Variants in SLC71A2 observed in about 807,000 individuals in gnomAD.
The protein encoded by SLC71A2 is solute carrier family 71 member 2.
the SLC71A2 span, among the ~76,000 whole-genome samples, chr9:94,453,536 A>G: frequency 3.9e-5 from 6 of 152,288 alleles, no homozygotes; most frequent in South Asian, 1.2e-3. Flanking sequence ...TCAAACTTAC[A>G]TCCCAATTCC....
chr9:94,407,539 C>T, the SLC71A2 span, among the ~76,000 whole-genome samples: 11 of 152,184 alleles, frequency 7.2e-5, no homozygotes, highest in Middle Eastern at 3.4e-3. Flanking sequence ...CTACCACGCC[C>T]GGCTAATTTT....
At chr9:94,383,092 A>G in the SLC71A2 span, among the ~76,000 whole-genome samples, 1 of 150,444 alleles carries the variant, frequency 6.6e-6, no homozygotes, top group African/African-American at 2.4e-5. Context: ...AAGGATGGAA[A>G]TTATTTGTTT....
the SLC71A2 span, among the ~76,000 whole-genome samples, chr9:94,423,797 C>A: frequency 1.3e-5 from 2 of 152,240 alleles, no homozygotes; most frequent in African/African-American, 4.8e-5. Context: ...ATGGTGGCAT[C>A]TTCACCTGAA....
the SLC71A2 span, among the ~76,000 whole-genome samples, chr9:94,429,603 G>A: frequency 6.6e-6 from 1 of 152,104 alleles, no homozygotes; most frequent in Admixed American, 6.5e-5. Flanking sequence ...CTAAAAAGAA[G>A]TATATCTGAG....
At chr9:94,399,399 T>C in the SLC71A2 span, among the ~76,000 whole-genome samples, 649 of 152,318 alleles carry the variant, frequency 4.3e-3, 18 homozygotes, top group Admixed American at 0.039. Context: ...TTCAGGCTCT[T>C]TCAGCTGATA....
At chr9:94,432,005 TA>T in the SLC71A2 span, among the ~76,000 whole-genome samples, 1 of 152,016 alleles carries the variant, frequency 6.6e-6, no homozygotes. Flanking sequence ...AGGCTCTCAT[TA>T]GATTCTACAT....
the SLC71A2 span, among the ~76,000 whole-genome samples, chr9:94,450,256 G>A: frequency 6.6e-6 from 1 of 152,018 alleles, no homozygotes; most frequent in Non-Finnish European, 1.5e-5. Context: ...ACAAATAAAG[G>A]CTGAGAATCC....
At chr9:94,387,917 C>T in the SLC71A2 span, among the ~76,000 whole-genome samples, 39 of 152,120 alleles carry the variant, frequency 2.6e-4, no homozygotes, top group African/African-American at 8.4e-4. Context: ...GTGGATAATG[C>T]GCTTCTTGGT....
chr9:94,418,017 C>T, the SLC71A2 span, among the ~76,000 whole-genome samples: 948 of 152,030 alleles, frequency 6.2e-3, 8 homozygotes, highest in African/African-American at 0.021. Flanking sequence ...CCACCACGCC[C>T]GGCTAATTTT....
chr9:94,450,493 C>CT, the SLC71A2 span, among the ~76,000 whole-genome samples: 923 of 101,990 alleles, frequency 9.0e-3, 90 homozygotes, highest in African/African-American at 0.032. Context: ...AATAATGTAA[C>CT]TTTTTTTTTT....
chr9:94,454,173 G>A, the SLC71A2 span: 1 of 759,146 alleles, frequency 1.3e-6, no homozygotes, highest in South Asian at 1.5e-5. Context: ...TTATTTTGCT[G>A]GTTTGGTGTA....
the SLC71A2 span, among the ~76,000 whole-genome samples, chr9:94,437,649 G>A: frequency 1.3e-5 from 2 of 150,172 alleles, no homozygotes; most frequent in East Asian, 3.9e-4. Flanking sequence ...CTTTATCCCT[G>A]TGAGGCCCTG....
the SLC71A2 span, among the ~76,000 whole-genome samples, chr9:94,382,350 AT>A: frequency 6.6e-6 from 1 of 151,032 alleles, no homozygotes; most frequent in African/African-American, 2.4e-5. Flanking sequence ...TGTCTTCTGT[AT>A]ATCCCTTTTG....
At chr9:94,424,780 C>T in the SLC71A2 span, among the ~76,000 whole-genome samples, 2 of 131,948 alleles carry the variant, frequency 1.5e-5, no homozygotes, top group Non-Finnish European at 3.1e-5. Context: ...CACTCTGTTG[C>T]CCAGGCTGGG....
the SLC71A2 span, chr9:94,459,558 C>G: frequency 1.5e-6 from 1 of 668,394 alleles, no homozygotes; most frequent in African/African-American, 1.9e-5. Flanking sequence ...CATCATTCTG[C>G]TCATCCTCCT....
At chr9:94,451,444 T>G in the SLC71A2 span, 1 of 1,438,364 alleles carries the variant, frequency 7.0e-7, no homozygotes, top group Non-Finnish European at 9.5e-7. Flanking sequence ...TGTTTTCATT[T>G]CATTTCCATA....
chr9:94,375,376 TGG>T, the SLC71A2 span, among the ~76,000 whole-genome samples: 1 of 151,648 alleles, frequency 6.6e-6, no homozygotes, highest in African/African-American at 2.4e-5. Flanking sequence ...GTCCTAGCGA[TGG>T]GGAGCAGAGT....
the SLC71A2 span, among the ~76,000 whole-genome samples, chr9:94,420,226 C>T: frequency 6.6e-6 from 1 of 152,166 alleles, no homozygotes; most frequent in South Asian, 2.1e-4. Flanking sequence ...CTACAACTAC[C>T]TGTTATATCC....
chr9:94,384,586 C>T, the SLC71A2 span, among the ~76,000 whole-genome samples: 11 of 152,136 alleles, frequency 7.2e-5, 1 homozygote, highest in East Asian at 3.9e-4. Context: ...GTGATACACC[C>T]GCCTTGGCCT....
Sources: allele counts gnomAD v4.1 joint callset (sites outside exome capture counted in the v4.1 genomes callset), GRCh38; gene constraint gnomAD v4.1.1; transcripts MANE v1.5; gene names NCBI Gene and HGNC (gene_info 2026-07-23, HGNC 2026-07-21).